The following TNIK variants were observed in gnomAD, a reference collection of about 807,000 sequenced individuals.
TNIK encodes TRAF2 and NCK interacting kinase.
A neutral mutation model predicts 191.3 loss-of-function variants in TNIK; 49 were observed. The observed-to-expected ratio is 0.26, with a 90% confidence interval of 0.20 to 0.32. The LOEUF (loss-of-function observed/expected upper bound fraction) is 0.32. TNIK is among the 10% of genes least tolerant of loss of function. TNIK has a pLI of 1.00. For synonymous variants in TNIK, 594 were observed against 600.9 expected (o/e 0.99, Z 0.17); for missense variants, 1,155 against 1,702.3 (o/e 0.68, Z 5.66).
intron 2 of TNIK, among the ~76,000 whole-genome samples, chr3:171,244,210 G>A (rs9864565): frequency 0.01 from 1,528 of 151,850 alleles, 14 homozygotes; most frequent in South Asian, 0.02. Context: ...GACTACAGGC[G>A]CCCGCCACCA....
At chr3:171,094,426 G>A (rs113221209) in intron 22 of TNIK, among the ~76,000 whole-genome samples, 348 of 152,202 alleles carry the variant, frequency 2.3e-3, no homozygotes, top group Middle Eastern at 0.014. Flanking sequence ...GTGAGCCACC[G>A]CGCCCTGCCA....
chr3:171,343,859 A>G (rs1711702154), intron 2 of TNIK, among the ~76,000 whole-genome samples: 1 of 152,202 alleles, frequency 6.6e-6, no homozygotes, highest in South Asian at 2.1e-4. Context: ...AAAGGCATAA[A>G]TGAGTTTAGA....
At chr3:171,332,133 C>T (rs1756474179) in intron 2 of TNIK, among the ~76,000 whole-genome samples, 1 of 152,114 alleles carries the variant, frequency 6.6e-6, no homozygotes, top group Non-Finnish European at 1.5e-5. Context: ...ATACCTATAT[C>T]TAACTGTGTG....
At chr3:171,067,931 C>T (rs1017918699) in intron 30 of TNIK, among the ~76,000 whole-genome samples, 14 of 152,022 alleles carry the variant, frequency 9.2e-5, no homozygotes, top group African/African-American at 2.7e-4. Flanking sequence ...GAATGGCAGT[C>T]GTGTGTGTGT....
chr3:171,108,874 C>T (rs888962181), intron 19 of TNIK, among the ~76,000 whole-genome samples: 2 of 152,024 alleles, frequency 1.3e-5, no homozygotes, highest in Admixed American at 6.5e-5. Flanking sequence ...CTGACAGCTG[C>T]AGAGTGAATA....
chr3:171,258,085 G>A (rs559298082), intron 2 of TNIK, among the ~76,000 whole-genome samples: 2 of 152,228 alleles, frequency 1.3e-5, no homozygotes, highest in African/African-American at 4.8e-5. Flanking sequence ...GATGCCCTGC[G>A]ATCTCATGAA....
rs1298033894 is a variant in TNIK, at chr3:171,145,555, TGTTA to T, written c.1222-5050_1222-5047del. ...GGCTGCACTTTCAAGCATGTGAATT[TGTTA>T]GTTAATTTTAATGAGGGAATAGTAA... is the stretch of plus-strand genomic sequence containing the variant. On this transcript the variant is annotated intron_variant, in intron 12 of 32. Transcript: ENST00000436636. Among the ~76,000 whole-genome samples, 5 of 152,258 alleles carry T rather than the reference TGTTA, an allele frequency of 3.3e-5. No individual in the cohort carries two copies. The East Asian group carries it at 9.6e-4, about 29-fold the overall frequency.
At chr3:171,160,218 C>T (rs1421149946) in intron 11 of TNIK, among the ~76,000 whole-genome samples, 3 of 152,148 alleles carry the variant, frequency 2.0e-5, no homozygotes, top group Non-Finnish European at 4.4e-5. Flanking sequence ...TTGAGGAATC[C>T]TGTGGCAGGT....
chr3:171,396,669 T>C (rs1233303243), intron 1 of TNIK, among the ~76,000 whole-genome samples: 5 of 152,170 alleles, frequency 3.3e-5, no homozygotes, highest in Admixed American at 2.0e-4. Flanking sequence ...CATCAATTAT[T>C]CATAGGTGTG....
At chr3:171,242,159 T>TAA (rs59090516) in intron 2 of TNIK, among the ~76,000 whole-genome samples, 54 of 142,490 alleles carry the variant, frequency 3.8e-4, no homozygotes, top group Admixed American at 1.4e-3. Context: ...GAACTTAAAT[T>TAA]AAAAAAAAAA....
Position 171,161,255 on chromosome 3 carries a change from CT to C in TNIK, c.1016+14del, listed in dbSNP as rs778411219. The stretch of plus-strand genomic sequence containing the variant: ...AGAATGTGAACATTAGAAGACTTGG[CT>C]TTTGCTCTCATACCTGGGCTCTCCT... On this transcript the variant is annotated intron_variant, in intron 11 of 32. Transcript: ENST00000436636. 4.3e-6 allele frequency: 7 copies of C among 1,610,982 alleles called. No individual in the cohort carries two copies. The South Asian group carries it at 6.6e-5, about 15-fold the overall frequency.
At chr3:171,317,587 CAA>C (rs1288267419) in intron 2 of TNIK, among the ~76,000 whole-genome samples, 1 of 152,116 alleles carries the variant, frequency 6.6e-6, no homozygotes. Context: ...CCCGCTTAGG[CAA>C]ATGGGAGACT....
rs1447419898 is a variant in TNIK, at chr3:171,194,553, A to G, written c.389T>C (p.Ile130Thr). The G allele has an allele frequency of 2.5e-6, 4 of 1,613,848 alleles. 1 individual carries two copies. The highest frequency in any genetic ancestry group is 2.2e-5 in the South Asian group (2 of 91,084). ...TKGNTLKEEW[I>T]AYICREILRG... ...TAAGATTTCCCTGCAGATGTATGCA[A>G]TCCACTCCTCTTTCAACGTGTTACC... Residue 130 changes from isoleucine to threonine, a missense_variant, in exon 5 of 33, where the codon ATT becomes ACT. By Grantham distance (89) the Ile-to-Thr change is moderately conservative (BLOSUM62 -1). Transcript: ENST00000436636.
chr3:171,263,866 G>A (rs1014766496), intron 2 of TNIK, among the ~76,000 whole-genome samples: 10 of 151,772 alleles, frequency 6.6e-5, no homozygotes, highest in Non-Finnish European at 8.8e-5. Context: ...AGGGCAGGGC[G>A]GGCAGAGGCC....
chr3:171,109,270 T>C (rs1490175426), intron 19 of TNIK, among the ~76,000 whole-genome samples: 2 of 152,228 alleles, frequency 1.3e-5, no homozygotes, highest in Admixed American at 6.5e-5. Context: ...TAAGCAATTC[T>C]TCTACCTCGG....
chr3:171,278,121 C>G (rs1468984663), intron 2 of TNIK, among the ~76,000 whole-genome samples: 3 of 152,194 alleles, frequency 2.0e-5, no homozygotes, highest in Non-Finnish European at 4.4e-5. Flanking sequence ...TGACATGCCT[C>G]GAGACCTAGT....
chr3:171,192,499 A>G (rs967948866), intron 5 of TNIK, among the ~76,000 whole-genome samples: 2 of 152,212 alleles, frequency 1.3e-5, no homozygotes, highest in African/African-American at 4.8e-5. Flanking sequence ...TACTGGAAAA[A>G]GGAGGAAAGC....
Position 171,455,918 on chromosome 3 carries a change from T to A in TNIK, c.57+4089A>T, listed in dbSNP as rs1290194109. ...CCTCTGCCCTCAAGAAGTCCACGGT[T>A]TAGTAAAGAAGCAGAAAGGAAATCA... is the stretch of plus-strand genomic sequence containing the variant. On this transcript the variant is annotated intron_variant, in intron 1 of 32. Coordinates refer to ENST00000436636, the MANE Select transcript of TNIK (RefSeq NM_015028.4). Among the ~76,000 whole-genome samples the A allele has an allele frequency of 2.6e-5, 4 of 152,108 alleles. No homozygotes were observed. The East Asian group carries it at 7.7e-4, about 29-fold the overall frequency.
intron 23 of TNIK, among the ~76,000 whole-genome samples, chr3:171,090,405 T>A (rs1459779520): frequency 6.6e-6 from 1 of 151,436 alleles, no homozygotes; most frequent in East Asian, 1.9e-4. Context: ...AATGTTCTTT[T>A]TTTTCTTTCT....
Sources: allele counts gnomAD v4.1 joint callset (sites outside exome capture counted in the v4.1 genomes callset), GRCh38; gene constraint gnomAD v4.1.1; transcripts MANE v1.5; gene names NCBI Gene and HGNC (gene_info 2026-07-23, HGNC 2026-07-21).